The following SP100 variants were observed in gnomAD, a reference collection of about 807,000 sequenced individuals.
SP100 encodes the protein SP100 nuclear body protein.
Under a neutral mutation model 130.0 loss-of-function variants are expected in SP100, and 84 were observed. That is an observed-to-expected ratio of 0.65 (90% confidence interval 0.54 to 0.77). The LOEUF is 0.77. Among genes scored for constraint, SP100 ranks in the 30% least tolerant of loss-of-function variants. The pLI is 0.00. For missense variants in SP100, 978 were observed against 1,052.2 expected, an observed-to-expected ratio of 0.93 and a Z score of 0.97; for synonymous variants, 331 against 351.7, an observed-to-expected ratio of 0.94 and a Z score of 0.66.
At chr2:230,506,967 T>G (rs1690160267) in intron 22 of SP100, 1 of 152,586 alleles carries the variant, frequency 6.6e-6, no homozygotes, top group Admixed American at 6.5e-5. Context: ...TATGAACCCC[T>G]TGATGTTACA....
At chr2:230,525,178 G>C (rs1348379240) in intron 24 of SP100, among the ~76,000 whole-genome samples, 4 of 152,068 alleles carry the variant, frequency 2.6e-5, no homozygotes, top group Non-Finnish European at 5.9e-5. Flanking sequence ...AAAAGAAAAA[G>C]AAAATTTAGG....
intron 24 of SP100, among the ~76,000 whole-genome samples, chr2:230,528,927 C>A (rs1691563639): frequency 6.6e-6 from 1 of 152,142 alleles, no homozygotes; most frequent in Admixed American, 6.5e-5. Context: ...GAAATTGAGG[C>A]AATAATTAAC....
At chr2:230,451,819 T>C (rs1315366466) in intron 8 of SP100, among the ~76,000 whole-genome samples, 1 of 152,234 alleles carries the variant, frequency 6.6e-6, no homozygotes, top group Non-Finnish European at 1.5e-5. Flanking sequence ...TTTTTTAATA[T>C]GGCATGAGAT....
intron 13 of SP100, among the ~76,000 whole-genome samples, chr2:230,468,067 C>G (rs2065050559): frequency 6.6e-6 from 1 of 152,176 alleles, no homozygotes; most frequent in Admixed American, 6.5e-5. Flanking sequence ...GATCTACTTG[C>G]ATCTTTACAA....
At chr2:230,444,793 C>G (rs1018333902) in intron 4 of SP100, among the ~76,000 whole-genome samples, 4 of 152,174 alleles carry the variant, frequency 2.6e-5, no homozygotes, top group Non-Finnish European at 5.9e-5. Context: ...AACAACTCCA[C>G]AGTCACAGCT....
chr2:230,431,711 T>C (rs1186700474), intron 2 of SP100, among the ~76,000 whole-genome samples: 1 of 152,152 alleles, frequency 6.6e-6, no homozygotes, highest in Non-Finnish European at 1.5e-5. Context: ...CTTTCTATTC[T>C]CTTCTGGAAT....
chr2:230,531,120 G>A lies in SP100; in HGVS notation c.2095-8147G>A, dbSNP rs181300100. 4.5e-3 allele frequency among the ~76,000 whole-genome samples: 687 copies of A among 152,236 alleles called. 3 individuals are homozygous for A. The highest frequency in any genetic ancestry group is 0.016 in the African/African-American group (666 of 41,528). On this transcript the variant is annotated intron_variant, in intron 24 of 28. Transcript: ENST00000340126. ...TGCTACTATAAAGACACATGCACAC[G>A]TATGTTTACTGCAACACTATTCACA...
At position 230,508,028 on chromosome 2, in the gene SP100, A is replaced by C; in HGVS notation, c.2049A>C (p.Lys683Asn). ...KFLPEPPSTR[K>N]KRILESHNNT... ...TGCCAGAACCACCAAGCACAAGAAA[A>C]AAGGTGATGATCAAGTGATCTTCTG... Residue 683 changes from lysine to asparagine, a missense_variant, in exon 23 of 29, where the codon AAA becomes AAC. By Grantham distance (94) the Lys-to-Asn change is moderately conservative. Transcript: ENST00000340126. 9 of 1,613,438 alleles carry C rather than the reference A, an allele frequency of 5.6e-6. No homozygotes were observed. Among genetic ancestry groups the C allele is most frequent in the Non-Finnish European group, 7.6e-6 (9 of 1,179,720 alleles).
intron 2 of SP100, among the ~76,000 whole-genome samples, chr2:230,435,871 A>G (rs961872684): frequency 1.3e-5 from 2 of 152,228 alleles, no homozygotes; most frequent in Non-Finnish European, 2.9e-5. Context: ...CATCAATTAT[A>G]GACTAGAGAA....
intron 24 of SP100, among the ~76,000 whole-genome samples, chr2:230,531,895 T>C (rs1015274662): frequency 6.6e-6 from 1 of 152,182 alleles, no homozygotes; most frequent in Non-Finnish European, 1.5e-5. Flanking sequence ...AGAAGAATAA[T>C]TGGAGGTTGG....
chr2:230,478,992 T>C (rs568499682), intron 17 of SP100, among the ~76,000 whole-genome samples: 2 of 152,308 alleles, frequency 1.3e-5, no homozygotes, highest in South Asian at 4.1e-4. Flanking sequence ...GGCTAATTTT[T>C]GTATTTTTAG....
intron 14 of SP100, among the ~76,000 whole-genome samples, 184 bp downstream of exon 14, chr2:230,469,280 A>G (rs1373058522): frequency 6.6e-6 from 1 of 152,230 alleles, no homozygotes; most frequent in Non-Finnish European, 1.5e-5. Flanking sequence ...AAAATGTTCA[A>G]AGGCACAAGT....
intron 11 of SP100, among the ~76,000 whole-genome samples, 178 bp downstream of exon 11, chr2:230,464,328 G>A (rs1394702928): frequency 1.3e-5 from 2 of 152,216 alleles, no homozygotes; most frequent in Middle Eastern, 3.4e-3. Context: ...GAAGACATTA[G>A]GAAGGTGTTA....
At chr2:230,463,234 G>A (rs1188241692) in intron 10 of SP100, among the ~76,000 whole-genome samples, 1 of 152,170 alleles carries the variant, frequency 6.6e-6, no homozygotes, top group Non-Finnish European at 1.5e-5. Flanking sequence ...GACAAGACTA[G>A]CATCCTGGAT....
At chr2:230,537,685 A>G (rs556966008) in intron 24 of SP100, 32 of 152,372 alleles carry the variant, frequency 2.1e-4, no homozygotes, top group African/African-American at 6.0e-4. Flanking sequence ...GCACGTTGCA[A>G]TCACCTGGGG....
intron 25 of SP100, 77 bp downstream of exon 25, chr2:230,539,459 C>A: frequency 1.0e-6 from 1 of 960,608 alleles, no homozygotes. Context: ...GAGTACTCTG[C>A]AGAGTTTCTG....
Position 230,541,970 on chromosome 2 carries a change from A to G in SP100, c.2482A>G (p.Thr828Ala). The change falls in exon 28 of 29, where the codon ACC becomes GCC. Residue 828 changes from threonine (T) to alanine (A), a missense_variant. Physicochemically the swap from Thr to Ala is moderately conservative, Grantham distance 58. Coordinates refer to ENST00000340126, the MANE Select transcript of SP100 (RefSeq NM_001080391.2). ...VKTSLNEQMY[T>A]RVEGFVQDMR... ...GACAAGTTTGAATGAGCAGATGTACACCCGAGTAGAAGGGTTTGTGCAGGA... is the reference window on the plus strand; with the variant it reads ...GACAAGTTTGAATGAGCAGATGTACGCCCGAGTAGAAGGGTTTGTGCAGGA... The G allele has an allele frequency of 6.2e-7, 1 of 1,614,134 alleles. No homozygotes were observed. The highest frequency in any genetic ancestry group is 8.5e-7 in the Non-Finnish European group (1 of 1,179,980).
chr2:230,515,017 C>T, intron 24 of SP100: 4 of 1,578,720 alleles, frequency 2.5e-6, no homozygotes, highest in Non-Finnish European at 1.7e-6. Flanking sequence ...GGAAAAATAA[C>T]TAAACATGGA....
intron 2 of SP100, among the ~76,000 whole-genome samples, chr2:230,438,648 T>TATATACACACAC (rs1246055755): frequency 0.037 from 4,651 of 127,344 alleles, 99 homozygotes; most frequent in African/African-American, 0.046. Flanking sequence ...TGTATATATA[T>TATATACACACAC]ACACACACAC....
Sources: allele counts gnomAD v4.1 joint callset (sites outside exome capture counted in the v4.1 genomes callset), GRCh38; gene constraint gnomAD v4.1.1; transcripts MANE v1.5; gene names NCBI Gene and HGNC (gene_info 2026-07-23, HGNC 2026-07-21).